Variants in RGSL1 observed in about 807,000 individuals in gnomAD.
RGSL1 encodes the protein regulator of G protein signaling like 1, also known as regulator of G protein signaling protein-like.
Under a neutral mutation model 124.7 loss-of-function variants are expected in RGSL1, and 97 were observed. The ratio of observed to expected loss-of-function variants is 0.78; its 90% CI spans 0.66 to 0.92. The LOEUF is 0.92. Among genes scored for constraint, RGSL1 ranks in the 40% least tolerant of loss-of-function variants. The probability of loss-of-function intolerance (pLI) is 0.00; values close to 1 mark genes in which losing one functional copy is unlikely to be tolerated. For synonymous variants in RGSL1, 424 were observed against 438.1 expected, an observed-to-expected ratio of 0.97 and a Z score of 0.40; for missense variants, 1,233 against 1,288.4, an observed-to-expected ratio of 0.96 and a Z score of 0.66.
At chr1:182,488,551 C>T in intron 7 of RGSL1, 1 of 537,904 alleles carries the variant, frequency 1.9e-6, no homozygotes, top group Non-Finnish European at 3.3e-6. Context: ...TTGGTGAAAC[C>T]CCGTCTCTAC....
chr1:182,458,529 A>G (rs2101991289), intron 3 of RGSL1, 136 bp downstream of exon 3: 1 of 710,532 alleles, frequency 1.4e-6, no homozygotes. Context: ...CAGTGCGGTG[A>G]TGCGATCTTA....
intron 9 of RGSL1, among the ~76,000 whole-genome samples, chr1:182,503,123 G>A (rs1656524263): frequency 1.3e-5 from 2 of 152,144 alleles, no homozygotes; most frequent in Non-Finnish European, 2.9e-5. Flanking sequence ...TAAAAATAGA[G>A]CTATCATATG....
chr1:182,559,352 A>T lies in RGSL1; in HGVS notation c.*166-927A>T, dbSNP rs573919035. On this transcript the variant is annotated intron_variant, in intron 21 of 21. Transcript: ENST00000294854. ...CTTCCAAGCTAGAAAACTCAGAATC[A>T]TCCTCAACTCATTCCTCTGCCTCCC... Among the ~76,000 whole-genome samples the T allele has an allele frequency of 1.1e-4, 17 of 152,152 alleles. No homozygotes were observed. The South Asian group carries it at 3.5e-3, about 32-fold the overall frequency.
At chr1:182,449,510 T>C (rs2101967330), upstream of RGSL1, among the ~76,000 whole-genome samples, 1 of 152,364 alleles carries the variant, frequency 6.6e-6, no homozygotes, top group South Asian at 2.1e-4. Context: ...TTTTGGTCTC[T>C]CATCTTAATA....
intron 4 of RGSL1, among the ~76,000 whole-genome samples, chr1:182,463,225 C>T (rs550959133): frequency 5.5e-5 from 8 of 145,306 alleles, no homozygotes; most frequent in Middle Eastern, 3.6e-3. Context: ...ACCTGGGAGG[C>T]GGAGCTTGCA....
chr1:182,518,304 T>A (rs1018012317), intron 9 of RGSL1, among the ~76,000 whole-genome samples: 1 of 152,184 alleles, frequency 6.6e-6, no homozygotes, highest in African/African-American at 2.4e-5. Flanking sequence ...ACCTCAGAAT[T>A]GCCTCAGTTC....
intron 10 of RGSL1, among the ~76,000 whole-genome samples, chr1:182,523,146 C>T (rs150251633): frequency 7.6e-4 from 115 of 151,774 alleles, no homozygotes; most frequent in African/African-American, 2.6e-3. Flanking sequence ...AAGTGATCCA[C>T]GTGCTTCAGC....
At chr1:182,521,962 C>T (rs1040098092) in intron 9 of RGSL1, 42 bp from the exon 10 acceptor site, 1 of 1,301,472 alleles carries the variant, frequency 7.7e-7, no homozygotes, top group African/African-American at 1.5e-5. Context: ...CTTTTCATTG[C>T]TTATAATATA....
chr1:182,509,672 A>G (rs1478331418), intron 9 of RGSL1, among the ~76,000 whole-genome samples: 1 of 83,272 alleles, frequency 1.2e-5, no homozygotes, highest in African/African-American at 5.0e-5. Flanking sequence ...GGGGGGCTGA[A>G]CCCCCCACCT....
At chr1:182,478,137 G>C (rs1006841515) in intron 6 of RGSL1, among the ~76,000 whole-genome samples, 3 of 152,064 alleles carry the variant, frequency 2.0e-5, no homozygotes, top group Admixed American at 2.0e-4. Context: ...GGCTGGAATG[G>C]AGTGGCATGA....
intron 14 of RGSL1, among the ~76,000 whole-genome samples, chr1:182,535,981 T>C (rs1659510412): frequency 6.6e-6 from 1 of 152,184 alleles, no homozygotes; most frequent in African/African-American, 2.4e-5. Context: ...TGACCTGCTT[T>C]CTATTACTAC....
chr1:182,509,599 T>A (rs1461338385), intron 9 of RGSL1, among the ~76,000 whole-genome samples: 1 of 125,224 alleles, frequency 8.0e-6, no homozygotes, highest in South Asian at 2.7e-4. Flanking sequence ...GGCTCCTCAC[T>A]TCCCAGTAGG....
intron 18 of RGSL1, among the ~76,000 whole-genome samples, chr1:182,551,438 G>T (rs542933596): frequency 2.0e-5 from 3 of 152,198 alleles, no homozygotes; most frequent in African/African-American, 7.2e-5. Context: ...ACTCCAGGAC[G>T]CCTCTGTGCA....
In RGSL1 at chr1:182,454,010, C is replaced by A; in HGVS notation, c.66C>A (p.Ala22=). 6.5e-7 allele frequency: 1 copy of A among 1,535,074 alleles called. No homozygotes were observed. Among genetic ancestry groups the A allele is most frequent in the Non-Finnish European group, 8.8e-7 (1 of 1,132,128 alleles). ...TTCTGCTAGAGGATGAAGTCTTTGC[C>A]GATTTTTTCAACACATTTCTTTCCC... is the stretch of plus-strand genomic sequence containing the variant. ...LIILLEDEVF[A]DFFNTFLSLP... Residue 22 remains alanine, a synonymous_variant, in exon 2 of 22, where the codon GCC becomes GCA. Coordinates refer to ENST00000294854, the MANE Select transcript of RGSL1 (RefSeq NM_001137669.2).
chr1:182,541,615 A>G (rs1375513923), intron 15 of RGSL1, among the ~76,000 whole-genome samples: 4 of 152,186 alleles, frequency 2.6e-5, no homozygotes, highest in Non-Finnish European at 5.9e-5. Flanking sequence ...GCTGGATGAC[A>G]TGGTAGTTCT....
chr1:182,470,005 AG>A (rs1380998298), intron 4 of RGSL1, among the ~76,000 whole-genome samples: 3 of 152,032 alleles, frequency 2.0e-5, no homozygotes, highest in Admixed American at 1.3e-4. Context: ...AGCTGGGAGG[AG>A]GGGGGAAATA....
At chr1:182,479,781 G>A (rs556826680) in intron 6 of RGSL1, among the ~76,000 whole-genome samples, 1 of 152,278 alleles carries the variant, frequency 6.6e-6, no homozygotes, top group African/African-American at 2.4e-5. Context: ...GAAAGTGAAA[G>A]GTTGAAGAAA....
rs1432139015 is a variant in RGSL1 at position 182,453,979 on chromosome 1, T to G, written c.35T>G (p.Leu12Arg). 1.3e-6 allele frequency: 2 copies of G among 1,528,948 alleles called. No homozygotes were observed. The highest frequency in any genetic ancestry group is 3.9e-5 in the Admixed American group (2 of 50,946). The allele number at this position is 1,528,948 out of a possible 1,614,324, so 94.7% of individuals were successfully genotyped here. The change falls in exon 2 of 22, where the codon CTT (leucine) becomes CGT (arginine). Residue 12 changes from leucine to arginine, a missense_variant. Transcript: ENST00000294854. The stretch of plus-strand genomic sequence containing the variant: ...ATAGAGATAATTGGTTCTACAAATC[T>G]TATAATTCTGCTAGAGGATGAAGTC... ...SSAEIIGSTN[L>R]IILLEDEVFA...
intron 13 of RGSL1, among the ~76,000 whole-genome samples, chr1:182,531,531 C>T (rs1390322671): frequency 6.6e-6 from 1 of 152,106 alleles, no homozygotes; most frequent in Non-Finnish European, 1.5e-5. Flanking sequence ...AATTTTAGCC[C>T]AGCTTGATCT....
Sources: gnomAD v4.1 joint callset for allele counts (sites outside exome capture counted in the v4.1 genomes callset) on GRCh38, gnomAD v4.1.1 for gene constraint, MANE v1.5 for transcripts, NCBI Gene and HGNC (gene_info 2026-07-23, HGNC 2026-07-21) for gene names.